RAB5C: variants seen among roughly 807,000 people sequenced by gnomAD.
The protein encoded by RAB5C is RAB5C, member RAS oncogene family, also known as ras-related protein Rab-5C.
A neutral mutation model predicts 25.2 loss-of-function variants in RAB5C; 4 were observed. The ratio of observed to expected loss-of-function variants is 0.16; its 90% CI spans 0.08 to 0.36. RAB5C has a LOEUF of 0.36. RAB5C is among the 10% of genes least tolerant of loss of function. The pLI is 1.00. For missense variants in RAB5C, 199 were observed against 283.8 expected (o/e 0.70, Z 2.15); for synonymous variants, 100 against 106.4 (o/e 0.94, Z 0.37).
At chr17:42,126,987 C>A in intron 4 of RAB5C, 139 bp from the exon 5 acceptor site, 1 of 517,646 alleles carries the variant, frequency 1.9e-6, no homozygotes, top group East Asian at 3.0e-5. Flanking sequence ...AGTTTTCAGG[C>A]CTAAGGCTGC....
intron 5 of RAB5C, 24 bp downstream of exon 5, chr17:42,126,731 A>AG (rs777820997): frequency 6.7e-7 from 1 of 1,496,396 alleles, no homozygotes; most frequent in South Asian, 1.1e-5. Flanking sequence ...TGGTGGAGAG[A>AG]GGAGGGGAGG....
chr17:42,132,643 G>C (rs2054497377), intron 1 of RAB5C, among the ~76,000 whole-genome samples: 1 of 151,818 alleles, frequency 6.6e-6, no homozygotes, highest in Admixed American at 6.6e-5. Context: ...TACTGCCTCA[G>C]CCTCCAGCAG....
intron 5 of RAB5C, 108 bp from the exon 6 acceptor site, chr17:42,126,006 T>G: frequency 2.6e-6 from 2 of 768,334 alleles, no homozygotes; most frequent in Non-Finnish European, 4.3e-6. Context: ...AACTCACATA[T>G]TGAGGGCTTC....
chr17:42,140,087 C>T (rs2054577431), intron 1 of RAB5C, among the ~76,000 whole-genome samples: 1 of 152,216 alleles, frequency 6.6e-6, no homozygotes, highest in Non-Finnish European at 1.5e-5. Flanking sequence ...GCCAGGACAG[C>T]TGCCACTTCT....
At chr17:42,139,058 A>G (rs1432154193) in intron 1 of RAB5C, among the ~76,000 whole-genome samples, 5 of 152,220 alleles carry the variant, frequency 3.3e-5, no homozygotes, top group African/African-American at 9.6e-5. Context: ...GGTTCTCTGG[A>G]GAGGCTCAGA....
intron 5 of RAB5C, 116 bp downstream of exon 5, chr17:42,126,631 CAAAAAAAA>C (rs71357528): frequency 2.5e-4 from 21 of 84,552 alleles, no homozygotes; most frequent in African/African-American, 1.3e-3. Flanking sequence ...GACTCCATCT[CAAAAAAAA>C]AAAAAAAAAA....
chr17:42,134,582 A>G (rs1271275067), intron 1 of RAB5C, among the ~76,000 whole-genome samples: 1 of 152,160 alleles, frequency 6.6e-6, no homozygotes, highest in Non-Finnish European at 1.5e-5. Flanking sequence ...TGTCTCAAAA[A>G]AAAGTTGACT....
intron 1 of RAB5C, among the ~76,000 whole-genome samples, chr17:42,138,479 G>A (rs1424117191): frequency 6.6e-6 from 1 of 152,186 alleles, no homozygotes; most frequent in Non-Finnish European, 1.5e-5. Context: ...GGAAGGTGCT[G>A]CCTTTCCACA....
intron 1 of RAB5C, among the ~76,000 whole-genome samples, chr17:42,144,650 T>C (rs1489362249): frequency 1.3e-5 from 2 of 149,720 alleles, no homozygotes; most frequent in Admixed American, 6.6e-5. Context: ...CATCTCAGGG[T>C]GGGCGTGGTG....
intron 1 of RAB5C, among the ~76,000 whole-genome samples, chr17:42,132,172 T>C (rs192396000): frequency 3.3e-5 from 5 of 152,294 alleles, no homozygotes; most frequent in Non-Finnish European, 7.4e-5. Flanking sequence ...CAACCTCAAA[T>C]CGTTTTCCAC....
In RAB5C at chr17:42,154,971, G is replaced by A. The variant is rs1276139971; in HGVS notation, c.-167C>T. 1.3e-5 allele frequency: 2 copies of A among 152,326 alleles called. No individual in the cohort carries two copies. The highest frequency in any genetic ancestry group is 1.5e-5 in the Non-Finnish European group (1 of 68,088). 9.4% of individuals were successfully genotyped at this position (152,326 alleles called of 1,614,324 possible). ...TTCTCTCCCCGCCGGCGGTGTCCCA[G>A]GCTCCGGCCTCCACTTCCGCCTTTC... is the stretch of plus-strand genomic sequence containing the variant. On this transcript the variant is annotated 5_prime_UTR_variant, in exon 1 of 6. Coordinates refer to ENST00000346213, the MANE Select transcript of RAB5C (RefSeq NM_004583.4).
chr17:42,135,265 T>C (rs2144074394), intron 1 of RAB5C, among the ~76,000 whole-genome samples: 1 of 151,090 alleles, frequency 6.6e-6, no homozygotes, highest in South Asian at 2.1e-4. Flanking sequence ...CTGTAATTTT[T>C]TTTTTTTTTT....
chr17:42,130,384 C>A lies in RAB5C; in HGVS notation c.119G>T (p.Arg40Leu), dbSNP rs1280509335. The change falls in exon 2 of 6, where the codon CGC becomes CTC. Residue 40 changes from arginine (R) to leucine (L), a missense_variant. This residue lies in a region of RAB5C where 24 missense variants were observed against 64.0 expected (regional missense o/e 0.38). Coordinates refer to ENST00000346213, the MANE Select transcript of RAB5C (RefSeq NM_004583.4). ...CTCGTGAAACTGTCCCTTGACAAAGCGGAGGACGAGGCTGGATTTGCCTAC... is the reference window on the plus strand; with the variant it reads ...CTCGTGAAACTGTCCCTTGACAAAGAGGAGGACGAGGCTGGATTTGCCTAC... Reference protein sequence around the residue: ...SAVGKSSLVLRFVKGQFHEYQ... With the variant: ...SAVGKSSLVLLFVKGQFHEYQ... 7 of 1,613,862 alleles carry A rather than the reference C, an allele frequency of 4.3e-6. No individual in the cohort carries two copies. The Admixed American group carries it at 1.2e-4, about 27-fold the overall frequency.
chr17:42,128,519 A>G (rs1231683731), intron 3 of RAB5C, 130 bp downstream of exon 3: 7 of 1,296,526 alleles, frequency 5.4e-6, no homozygotes, highest in Admixed American at 2.4e-5. Context: ...AATGTCCCCA[A>G]ACAGGAAATC....
At chr17:42,150,839 T>G (rs1017722188) in intron 1 of RAB5C, among the ~76,000 whole-genome samples, 1 of 151,816 alleles carries the variant, frequency 6.6e-6, no homozygotes, top group Non-Finnish European at 1.5e-5. Flanking sequence ...AGAATGAGAA[T>G]GAGACTGCCT....
chr17:42,128,905 A>G, intron 2 of RAB5C, 105 bp from the exon 3 acceptor site: 3 of 1,068,072 alleles, frequency 2.8e-6, no homozygotes, highest in African/African-American at 1.6e-5. Flanking sequence ...CACCACTGAG[A>G]TGGGCACAGA....
At position 42,125,702 on chromosome 17, in the gene RAB5C, G is replaced by A. The variant is rs905020391; in HGVS notation, c.*81C>T. On this transcript the variant is annotated 3_prime_UTR_variant, in exon 6 of 6. Coordinates refer to ENST00000346213, the MANE Select transcript of RAB5C (RefSeq NM_004583.4). Reference sequence around the variant, plus strand: ...TGCCCCCCCAGTGGTGGCCCGAGTCGTTAAGTGCGATTGGTTAGAGTGGAT... The same window carrying A: ...TGCCCCCCCAGTGGTGGCCCGAGTCATTAAGTGCGATTGGTTAGAGTGGAT... 1.6e-4 allele frequency: 162 copies of A among 1,009,276 alleles called. No individual in the cohort carries two copies. The highest frequency in any genetic ancestry group is 2.3e-4 in the Non-Finnish European group (154 of 674,884). 62.5% of individuals were successfully genotyped at this position (1,009,276 alleles called of 1,614,324 possible).
At chr17:42,151,619 C>T (rs568189122) in intron 1 of RAB5C, among the ~76,000 whole-genome samples, 212 of 148,888 alleles carry the variant, frequency 1.4e-3, no homozygotes, top group African/African-American at 5.0e-3. Flanking sequence ...TAACCAGAGG[C>T]CCGCTCTGTT....
rs576710666 is a variant in RAB5C, at chr17:42,125,757, G to A, written c.*26C>T. ...GTCGGGTCATTCAGGCGGAGGAGGC[G>A]GGGGCAGCGGGCAGGCAAGGGGGGC... On this transcript the variant is annotated 3_prime_UTR_variant, in exon 6 of 6. Transcript: ENST00000346213. 89 of 1,518,228 alleles carry A rather than the reference G, an allele frequency of 5.9e-5. No individual in the cohort carries two copies. In the South Asian group the frequency reaches 7.7e-4, roughly 13 times the overall value. The allele number at this position is 1,518,228 out of a possible 1,614,324, so 94.0% of individuals were successfully genotyped here.
Sources: gnomAD v4.1 joint callset for allele counts (sites outside exome capture counted in the v4.1 genomes callset) on GRCh38, gnomAD v4.1.1 for gene constraint, gnomAD v4.1.1 regional missense constraint, MANE v1.5 for transcripts, NCBI Gene and HGNC (gene_info 2026-07-23, HGNC 2026-07-21) for gene names.